Variants in OR56A3 observed in about 807,000 individuals in gnomAD.
OR56A3 encodes olfactory receptor family 56 subfamily A member 3.
A neutral mutation model predicts 17.5 loss-of-function variants in OR56A3; 23 were observed. The observed-to-expected ratio is 1.32, with a 90% CI of 0.95 to 1.87. The LOEUF (loss-of-function observed/expected upper bound fraction) is 1.87, where lower values mean the gene tolerates loss of function less well. Among genes scored for constraint, OR56A3 ranks in the 40% most tolerant of loss-of-function variants. The probability of loss-of-function intolerance (pLI) is 0.00; values close to 1 mark genes in which losing one functional copy is unlikely to be tolerated. For synonymous variants in OR56A3, 175 were observed against 150.6 expected (o/e 1.16, Z -1.19); for missense variants, 366 against 380.1 (o/e 0.96, Z 0.31).
the OR56A3 span, chr11:5,967,410 A>T: frequency 1.1e-5 from 7 of 619,132 alleles, no homozygotes; most frequent in Non-Finnish European, 2.0e-5. Context: ...ACGAGTAGAT[A>T]TCCCTATAAT....
chr11:5,967,306 G>A, the OR56A3 span: 20 of 440,112 alleles, frequency 4.5e-5, no homozygotes, highest in East Asian at 1.1e-4. Flanking sequence ...TTGTCAATTC[G>A]TACTCACATA....
rs557112476 is a variant in OR56A3 at position 5,943,614 on chromosome 11, C to T, written c.-313-1192C>T. The T allele has an allele frequency of 4.6e-5, 7 of 151,894 alleles. 1 individual carries two copies. Among genetic ancestry groups the T allele is most frequent in the African/African-American group, 1.7e-4 (7 of 41,428 alleles). The allele number at this position is 151,894 out of a possible 1,614,324, so 9.4% of individuals were successfully genotyped here. The stretch of plus-strand genomic sequence containing the variant: ...TCCCCTTCATACACTGCAAAAGGCT[C>T]CTAGAACAGATAAAGGACTCCAGGA... On this transcript the variant is annotated intron_variant, in intron 1 of 2. Transcript: ENST00000641160.
the OR56A3 span, among the ~76,000 whole-genome samples, chr11:5,977,917 C>T: frequency 6.6e-5 from 10 of 152,178 alleles, no homozygotes; most frequent in African/African-American, 2.2e-4. Flanking sequence ...TTTCAATCTT[C>T]TGCATTTGGC....
chr11:6,001,800 T>C, the OR56A3 span: 1 of 408,666 alleles, frequency 2.4e-6, no homozygotes, highest in African/African-American at 2.1e-5. Context: ...AGATTCTTTG[T>C]TGCAGATTAG....
chr11:5,955,974 T>C (rs1337048264), downstream of OR56A3, among the ~76,000 whole-genome samples: 4 of 152,202 alleles, frequency 2.6e-5, no homozygotes, highest in Admixed American at 1.3e-4. Context: ...ATAAAATACC[T>C]CACTTTTATT....
chr11:6,018,730 A>C, the OR56A3 span, among the ~76,000 whole-genome samples: 1 of 141,988 alleles, frequency 7.0e-6, no homozygotes, highest in Non-Finnish European at 1.5e-5. Context: ...AAGACAAAAA[A>C]TAAAGTGAAA....
At chr11:5,957,654 A>T in the OR56A3 span, among the ~76,000 whole-genome samples, 1 of 152,252 alleles carries the variant, frequency 6.6e-6, no homozygotes, top group Non-Finnish European at 1.5e-5. Context: ...AAACTTACTC[A>T]GGCTACCACT....
chr11:5,953,320 T>C (rs1206640186), downstream of OR56A3, among the ~76,000 whole-genome samples: 1 of 152,198 alleles, frequency 6.6e-6, no homozygotes, highest in African/African-American at 2.4e-5. Context: ...ACCTGTTGTT[T>C]TTTTGACTTA....
Position 5,948,445 on chromosome 11 carries a change from TAA to T in OR56A3, c.*152_*153del. The T allele has an allele frequency of 1.7e-6, 1 of 591,324 alleles. No individual in the cohort carries two copies. Among genetic ancestry groups the T allele is most frequent in the South Asian group, 2.5e-5 (1 of 40,100 alleles). 36.6% of individuals were successfully genotyped at this position (591,324 alleles called of 1,614,324 possible). On this transcript the variant is annotated 3_prime_UTR_variant, in exon 3 of 3. Coordinates refer to ENST00000641160, the MANE Select transcript of OR56A3 (RefSeq NM_001003443.3). The stretch of plus-strand genomic sequence containing the variant: ...CTTTTCAAAAACATCGGTTTTAATT[TAA>T]GTCTATCTTCCTTTTCACCCTTTTC...
chr11:5,979,540 G>A, the OR56A3 span, among the ~76,000 whole-genome samples: 5 of 152,058 alleles, frequency 3.3e-5, no homozygotes, highest in African/African-American at 1.2e-4. Context: ...AAAACTTTCC[G>A]TATTTTTGTG....
chr11:6,001,915 G>A, the OR56A3 span: 2 of 775,332 alleles, frequency 2.6e-6, no homozygotes, highest in Admixed American at 3.4e-5. Flanking sequence ...TGTTGCCTGA[G>A]ATATTGAGAA....
Position 5,949,836 on chromosome 11 carries a change from A to G in OR56A3, c.*1542A>G, listed in dbSNP as rs1057501683. On this transcript the variant is annotated 3_prime_UTR_variant, in exon 3 of 3. Coordinates refer to ENST00000641160, the MANE Select transcript of OR56A3 (RefSeq NM_001003443.3). ...GGAATTGAAACCTACTGATTGAAAA[A>G]TAAGCATGTACCACATATAAGAAGC... 6.6e-6 allele frequency: 1 copy of G among 152,216 alleles called. No individual in the cohort carries two copies. The highest frequency in any genetic ancestry group is 1.9e-4 in the East Asian group (1 of 5,198). The allele number at this position is 152,216 out of a possible 1,614,324, so 9.4% of individuals were successfully genotyped here.
chr11:5,974,356 C>T, the OR56A3 span, among the ~76,000 whole-genome samples: 4 of 152,106 alleles, frequency 2.6e-5, no homozygotes, highest in Admixed American at 1.3e-4. Context: ...CCGCCCGCCT[C>T]GGCCTCTCAA....
At chr11:5,959,613 G>T in the OR56A3 span, among the ~76,000 whole-genome samples, 4 of 152,064 alleles carry the variant, frequency 2.6e-5, no homozygotes, top group African/African-American at 9.7e-5. Context: ...ATTCTGTTAA[G>T]GGAAGATTGT....
At chr11:5,991,274 C>G in the OR56A3 span, among the ~76,000 whole-genome samples, 1 of 152,216 alleles carries the variant, frequency 6.6e-6, no homozygotes, top group African/African-American at 2.4e-5. Context: ...GTGAATGCCT[C>G]AGGCTGACCA....
chr11:6,016,462 G>C, the OR56A3 span, among the ~76,000 whole-genome samples: 3 of 152,018 alleles, frequency 2.0e-5, no homozygotes, highest in Non-Finnish European at 4.4e-5. Flanking sequence ...CAAAGCTAAA[G>C]TGCCCTACCC....
At chr11:5,961,126 G>A in the OR56A3 span, among the ~76,000 whole-genome samples, 1 of 151,348 alleles carries the variant, frequency 6.6e-6, no homozygotes, top group African/African-American at 2.4e-5. Flanking sequence ...GCCCCGTCCG[G>A]GAGGTGGGGG....
chr11:6,002,263 A>T, the OR56A3 span: 2 of 1,614,212 alleles, frequency 1.2e-6, no homozygotes, highest in South Asian at 2.2e-5. Context: ...TGGGAACCAC[A>T]CGTGCTCAAG....
chr11:5,972,569 G>A, the OR56A3 span, among the ~76,000 whole-genome samples: 1 of 152,074 alleles, frequency 6.6e-6, no homozygotes, highest in Non-Finnish European at 1.5e-5. Context: ...TATGATCTAC[G>A]GTCAGTTCCT....
Sources: gnomAD v4.1 joint callset for allele counts (sites outside exome capture counted in the v4.1 genomes callset) on GRCh38, gnomAD v4.1.1 for gene constraint, MANE v1.5 for transcripts, NCBI Gene and HGNC (gene_info 2026-07-23, HGNC 2026-07-21) for gene names.